The following CCDC150 variants were observed in gnomAD, a reference collection of about 807,000 sequenced individuals.
The protein encoded by CCDC150 is coiled-coil domain containing 150, also known as coiled-coil domain-containing protein 150.
CCDC150 carries 151 observed loss-of-function variants against 156.5 expected under a neutral mutation model. That is an observed-to-expected ratio of 0.97 (90% CI 0.85 to 1.10). The LOEUF is 1.10. CCDC150 is among the 50% of genes least tolerant of loss of function. CCDC150 has a pLI of 0.00. For synonymous variants in CCDC150, 452 were observed against 429.4 expected (o/e 1.05, Z -0.65); for missense variants, 1,312 against 1,268.1 (o/e 1.03, Z -0.53).
At chr2:196,669,922 C>T in intron 8 of CCDC150, 46 bp downstream of exon 8, 2 of 1,383,868 alleles carry the variant, frequency 1.4e-6, no homozygotes, top group Non-Finnish European at 2.0e-6. Context: ...TTCCTCTCTT[C>T]ACTAAGTCCT....
rs80175114 is a variant in CCDC150 at position 196,725,847 on chromosome 2, G to A, written c.2430-126G>A. On this transcript the variant is annotated intron_variant, in intron 21 of 27. Transcript: ENST00000389175. ...GCTCCAAATTAGTGAGGTTCACCAG[G>A]CTACTGATAGGCTGCTTGTTTATAA... 1,582 of 759,670 alleles carry A rather than the reference G, an allele frequency of 2.1e-3. 23 individuals are homozygous for A. In the African/African-American group the frequency reaches 0.026, roughly 12 times the overall value. The allele number at this position is 759,670 out of a possible 1,614,324, so 47.1% of individuals were successfully genotyped here.
intron 21 of CCDC150, among the ~76,000 whole-genome samples, chr2:196,725,303 C>T (rs1367337874): frequency 1.3e-5 from 2 of 152,020 alleles, no homozygotes; most frequent in Admixed American, 6.6e-5. Flanking sequence ...TGTTTAAATC[C>T]GTTTAGTCCT....
chr2:196,723,521 C>T (rs571246754), intron 21 of CCDC150, among the ~76,000 whole-genome samples: 36 of 152,082 alleles, frequency 2.4e-4, no homozygotes, highest in African/African-American at 8.0e-4. Flanking sequence ...AAAAGATAAA[C>T]GCTAAAGCTT....
chr2:196,727,468 G>C (rs1411566154), intron 22 of CCDC150: 1 of 152,096 alleles, frequency 6.6e-6, no homozygotes, highest in African/African-American at 2.4e-5. Context: ...TGGAGAGGGA[G>C]GGATTAAAAT....
At chr2:196,710,684 C>T (rs1159432231) in intron 15 of CCDC150, among the ~76,000 whole-genome samples, 1 of 152,122 alleles carries the variant, frequency 6.6e-6, no homozygotes, top group Non-Finnish European at 1.5e-5. Context: ...TAAATAGGTA[C>T]ATTAGAGTTA....
intron 1 of CCDC150, among the ~76,000 whole-genome samples, chr2:196,640,346 G>A (rs1220625730): frequency 6.6e-6 from 1 of 152,120 alleles, no homozygotes; most frequent in East Asian, 1.9e-4. Context: ...AGAGAAGTTC[G>A]TATTAGTCCG....
intron 15 of CCDC150, among the ~76,000 whole-genome samples, chr2:196,703,006 G>T (rs1319205513): frequency 6.6e-6 from 1 of 152,184 alleles, no homozygotes; most frequent in Non-Finnish European, 1.5e-5. Context: ...ATTCACCCAT[G>T]TGAGACTGCA....
chr2:196,699,167 A>G (rs1357428473), intron 14 of CCDC150, among the ~76,000 whole-genome samples: 2 of 152,222 alleles, frequency 1.3e-5, no homozygotes, highest in African/African-American at 2.4e-5. Context: ...CATTTTGCTC[A>G]GGTTATTTTG....
intron 11 of CCDC150, 104 bp downstream of exon 11, chr2:196,676,371 T>A (rs1444583331): frequency 6.8e-7 from 1 of 1,462,356 alleles, no homozygotes; most frequent in Non-Finnish European, 9.3e-7. Flanking sequence ...CATTTGATTC[T>A]GCATTTTTTG....
At chr2:196,654,201 G>A (rs1454549066) in intron 2 of CCDC150, among the ~76,000 whole-genome samples, 1 of 152,192 alleles carries the variant, frequency 6.6e-6, no homozygotes, top group East Asian at 1.9e-4. Context: ...CACTATGTAA[G>A]TGTCTAAGTA....
At chr2:196,694,927 G>T in intron 13 of CCDC150, 119 bp from the exon 14 acceptor site, 1 of 531,612 alleles carries the variant, frequency 1.9e-6, no homozygotes, top group Non-Finnish European at 3.4e-6. Flanking sequence ...ACATTTAGAG[G>T]CAAGGAAACA....
intron 15 of CCDC150, among the ~76,000 whole-genome samples, chr2:196,708,699 C>T (rs1696865241): frequency 6.6e-6 from 1 of 152,174 alleles, no homozygotes; most frequent in Non-Finnish European, 1.5e-5. Flanking sequence ...TAAGGCAGAC[C>T]TGGTGGTGAC....
intron 1 of CCDC150, among the ~76,000 whole-genome samples, chr2:196,645,116 T>G (rs1692458685): frequency 6.6e-6 from 1 of 152,074 alleles, no homozygotes; most frequent in Non-Finnish European, 1.5e-5. Flanking sequence ...AGAGCAAGAC[T>G]CTGCCTCGAA....
intron 17 of CCDC150, among the ~76,000 whole-genome samples, chr2:196,717,472 G>A (rs1460635439): frequency 1.3e-5 from 2 of 151,972 alleles, no homozygotes; most frequent in Non-Finnish European, 2.9e-5. Context: ...ATGAATGAAG[G>A]TTGAAAAAAA....
chr2:196,653,461 G>T (rs12151713), intron 2 of CCDC150, among the ~76,000 whole-genome samples: 118,966 of 152,010 alleles, frequency 0.78, 46,765 homozygotes, highest in East Asian at 0.97. Flanking sequence ...CACGGACACA[G>T]TGCAGCCAAG....
At chr2:196,689,683 A>G (rs1279768971) in intron 13 of CCDC150, among the ~76,000 whole-genome samples, 8 of 151,590 alleles carry the variant, frequency 5.3e-5, no homozygotes, top group Non-Finnish European at 1.5e-5. Flanking sequence ...CAATCATGTC[A>G]TCTGCAAACA....
chr2:196,717,931 A>G (rs1697637653), intron 17 of CCDC150, among the ~76,000 whole-genome samples: 1 of 152,130 alleles, frequency 6.6e-6, no homozygotes, highest in African/African-American at 2.4e-5. Flanking sequence ...CGGACTCTGC[A>G]CTATTTTTGC....
rs757357342 is a variant in CCDC150, at chr2:196,730,885, G to A, written c.3009G>A (p.Leu1003=). The A allele has an allele frequency of 2.5e-6, 4 of 1,600,002 alleles. No homozygotes were observed. The East Asian group carries it at 9.0e-5, about 36-fold the overall frequency. ...CQELEETVRH[L]KKCKEATENT... The stretch of plus-strand genomic sequence containing the variant: ...AATTGGAAGAAACTGTCAGACACCT[G>A]AAGAAATGTAAAGAGGCAACAGAGA... Residue 1003 remains leucine (L), a synonymous_variant, in exon 26 of 28, where the codon CTG becomes CTA. Transcript: ENST00000389175.
intron 2 of CCDC150, among the ~76,000 whole-genome samples, chr2:196,654,170 C>T (rs1434672246): frequency 1.3e-5 from 2 of 152,126 alleles, no homozygotes; most frequent in Non-Finnish European, 2.9e-5. Flanking sequence ...CAACATGAGA[C>T]TTGGAGGGAA....
Sources: allele counts gnomAD v4.1 joint callset (sites outside exome capture counted in the v4.1 genomes callset), GRCh38; gene constraint gnomAD v4.1.1; transcripts MANE v1.5; gene names NCBI Gene and HGNC (gene_info 2026-07-23, HGNC 2026-07-21).